Variants in STXBP5L observed in about 807,000 individuals in gnomAD.
The protein encoded by STXBP5L is syntaxin-binding protein 5-like.
Under a neutral mutation model 144.5 loss-of-function variants are expected in STXBP5L, and 65 were observed. The observed-to-expected ratio is 0.45, with a 90% CI of 0.37 to 0.55. STXBP5L has a LOEUF of 0.55. STXBP5L is among the 20% of genes least tolerant of loss of function. The pLI is 0.00. For synonymous variants in STXBP5L, 505 were observed against 469.6 expected (o/e 1.08, Z -0.97); for missense variants, 1,298 against 1,405.5 (o/e 0.92, Z 1.22).
chr3:121,272,041 A>T (rs2050750013), intron 18 of STXBP5L, among the ~76,000 whole-genome samples: 1 of 152,226 alleles, frequency 6.6e-6, no homozygotes, highest in Admixed American at 6.5e-5. Context: ...ATTTGGTCTA[A>T]CATGTTATCT....
intron 5 of STXBP5L, among the ~76,000 whole-genome samples, chr3:121,057,180 A>G (rs1167654344): frequency 6.6e-6 from 1 of 152,036 alleles, no homozygotes. Flanking sequence ...AAAGAAGCCG[A>G]AAGAAAACTT....
chr3:121,416,020 G>A, intron 25 of STXBP5L, 52 bp downstream of exon 25: 1 of 1,390,016 alleles, frequency 7.2e-7, no homozygotes, highest in East Asian at 2.3e-5. Context: ...AGACGTTTCT[G>A]TGTATGTGTA....
intron 10 of STXBP5L, among the ~76,000 whole-genome samples, chr3:121,212,856 C>A (rs1384924267): frequency 6.6e-6 from 1 of 152,044 alleles, no homozygotes; most frequent in Non-Finnish European, 1.5e-5. Flanking sequence ...GCATGGAATG[C>A]TTTTCCATTT....
chr3:121,265,502 G>T (rs1577333043), intron 18 of STXBP5L, among the ~76,000 whole-genome samples: 1 of 152,288 alleles, frequency 6.6e-6, no homozygotes, highest in Admixed American at 6.5e-5. Context: ...AGCACTAAAT[G>T]CTTACAAGAG....
chr3:121,012,937 A>T (rs1169584242), intron 3 of STXBP5L, among the ~76,000 whole-genome samples: 3 of 151,980 alleles, frequency 2.0e-5, no homozygotes, highest in Non-Finnish European at 2.9e-5. Flanking sequence ...AAGTGAGAAG[A>T]TGCAGTATTT....
In STXBP5L at chr3:121,293,047, T is replaced by C. The variant is rs372089526; in HGVS notation, c.2110+13091T>C. 7.9e-5 allele frequency among the ~76,000 whole-genome samples: 12 copies of C among 152,288 alleles called. No homozygotes were observed. The East Asian group carries it at 2.3e-3, about 29-fold the overall frequency. On this transcript the variant is annotated intron_variant, in intron 19 of 26. Coordinates refer to ENST00000471454, the MANE Select transcript of STXBP5L (RefSeq NM_001308330.2). ...ATTAAAACGAAAAAAAAATTTTAAA[T>C]TTTAAACACTAAAACAACTCAAATT...
intron 9 of STXBP5L, among the ~76,000 whole-genome samples, chr3:121,186,920 G>A (rs573483000): frequency 3.8e-4 from 58 of 152,250 alleles, no homozygotes; most frequent in African/African-American, 1.3e-3. Context: ...AACAACAGGT[G>A]CTGGAGAGGA....
In STXBP5L at chr3:121,295,698, C is replaced by A. The variant is rs200455614; in HGVS notation, c.2110+15742C>A. Among the ~76,000 whole-genome samples the A allele has an allele frequency of 5.3e-5, 8 of 152,128 alleles. No individual in the cohort carries two copies. In the East Asian group the frequency reaches 1.2e-3, roughly 22 times the overall value. ...GTACCCCAGGGATATTTGGCAATGT[C>A]TGTGAACTTTTTGATTGTCACAACT... is the stretch of plus-strand genomic sequence containing the variant. On this transcript the variant is annotated intron_variant, in intron 19 of 26. Coordinates refer to ENST00000471454, the MANE Select transcript of STXBP5L (RefSeq NM_001308330.2).
intron 9 of STXBP5L, among the ~76,000 whole-genome samples, chr3:121,162,114 G>T (rs1393693808): frequency 1.3e-5 from 2 of 152,014 alleles, no homozygotes; most frequent in African/African-American, 4.8e-5. Flanking sequence ...GAATACATGG[G>T]AATAAGCCTT....
At chr3:121,117,589 T>C (rs1428121923) in intron 6 of STXBP5L, among the ~76,000 whole-genome samples, 1 of 151,820 alleles carries the variant, frequency 6.6e-6, no homozygotes, top group Non-Finnish European at 1.5e-5. Context: ...AGAAGACTCA[T>C]TTAATAAATA....
In STXBP5L at chr3:121,196,952, G is replaced by A. The variant is rs554384410; in HGVS notation, c.878-8971G>A. Among the ~76,000 whole-genome samples the A allele has an allele frequency of 2.6e-5, 4 of 152,084 alleles. No homozygotes were observed. The East Asian group carries it at 7.7e-4, about 29-fold the overall frequency. On this transcript the variant is annotated intron_variant, in intron 9 of 26. Transcript: ENST00000471454. ...TCCACCCCAGCCTCCCAAAGTGCTGGGATTTCAGGTGCAACCCACTGGGCT... is the reference window on the plus strand; with the variant it reads ...TCCACCCCAGCCTCCCAAAGTGCTGAGATTTCAGGTGCAACCCACTGGGCT...
At chr3:121,270,984 T>C (rs891836817) in intron 18 of STXBP5L, among the ~76,000 whole-genome samples, 1 of 152,170 alleles carries the variant, frequency 6.6e-6, no homozygotes, top group Non-Finnish European at 1.5e-5. Context: ...TAAGGTGATA[T>C]CTACCAGGTT....
intron 5 of STXBP5L, among the ~76,000 whole-genome samples, chr3:121,107,876 T>G (rs772474076): frequency 6.6e-5 from 10 of 152,198 alleles, no homozygotes; most frequent in Non-Finnish European, 1.5e-4. Flanking sequence ...GCTTATGTCC[T>G]CTCTGATTTC....
At chr3:121,415,179 T>C (rs1162962901) in intron 24 of STXBP5L, among the ~76,000 whole-genome samples, 8 of 152,166 alleles carry the variant, frequency 5.3e-5, no homozygotes, top group Non-Finnish European at 1.2e-4. Context: ...TCTTCAACTT[T>C]GGTCTGCTTT....
At chr3:121,093,424 C>A (rs1401947778) in intron 5 of STXBP5L, among the ~76,000 whole-genome samples, 1 of 152,100 alleles carries the variant, frequency 6.6e-6, no homozygotes, top group Non-Finnish European at 1.5e-5. Flanking sequence ...GGTTGGTAAG[C>A]TATTGATTAT....
rs774022398 is a variant in STXBP5L at position 121,418,389 on chromosome 3, T to C, written c.3279T>C (p.Pro1093=). 2 of 1,613,946 alleles carry C rather than the reference T, an allele frequency of 1.2e-6. No individual in the cohort carries two copies. Among genetic ancestry groups the C allele is most frequent in the African/African-American group, 2.7e-5 (2 of 74,932 alleles). ...CCCGCAGCCTTGCGCAACACATTCC[T>C]GGACCAGGTAGTATAGAAGGGATGA... ...KASRSLAQHI[P]GPGSIEGMKG... Residue 1093 remains proline (P), a synonymous_variant, in exon 26 of 27, where the codon CCT becomes CCC. Coordinates refer to ENST00000471454, the MANE Select transcript of STXBP5L (RefSeq NM_001308330.2).
At chr3:121,226,449 T>C (rs959522675) in intron 11 of STXBP5L, among the ~76,000 whole-genome samples, 14 of 152,146 alleles carry the variant, frequency 9.2e-5, no homozygotes, top group African/African-American at 2.9e-4. Context: ...ATTGTGGCTT[T>C]TACAAAAGAA....
intron 3 of STXBP5L, among the ~76,000 whole-genome samples, chr3:120,997,997 A>G (rs1483478319): frequency 2.6e-5 from 4 of 152,210 alleles, no homozygotes; most frequent in East Asian, 1.9e-4. Context: ...GATCATCTCA[A>G]TAGTTGCAGA....
At chr3:121,329,314 G>A (rs1054182054) in intron 20 of STXBP5L, among the ~76,000 whole-genome samples, 2 of 152,156 alleles carry the variant, frequency 1.3e-5, no homozygotes, top group Non-Finnish European at 2.9e-5. Flanking sequence ...AATTCCTGCT[G>A]ACCTAAGGAT....
Sources: allele counts gnomAD v4.1 joint callset (sites outside exome capture counted in the v4.1 genomes callset), GRCh38; gene constraint gnomAD v4.1.1; transcripts MANE v1.5; gene names NCBI Gene and HGNC (gene_info 2026-07-23, HGNC 2026-07-21).